THOC2: variants seen among roughly 807,000 people sequenced by gnomAD.
THOC2 encodes the protein THO complex subunit 2, also known as THO complex 2.
A neutral mutation model predicts 128.4 loss-of-function variants in THOC2; 10 were observed. That is an observed-to-expected ratio of 0.08 (90% CI 0.05 to 0.13). The LOEUF (loss-of-function observed/expected upper bound fraction) is 0.13, where lower values mean the gene tolerates loss of function less well. THOC2 is among the 10% of genes least tolerant of loss of function. The pLI is 1.00. For synonymous variants in THOC2, 393 were observed against 396.9 expected (o/e 0.99, Z 0.12); for missense variants, 535 against 1,155.7 (o/e 0.46, Z 7.79).
intron 37 of THOC2, 108 bp from the exon 38 acceptor site, chrX:123,611,071 C>A: frequency 1.4e-6 from 1 of 692,663 alleles, no homozygotes; most frequent in Non-Finnish European, 2.2e-6. Context: ...CTCTGACCAG[C>A]CTGGTAGCCT....
intron 7 of THOC2, among the ~76,000 whole-genome samples, chrX:123,691,069 G>A (rs1211067275): frequency 2.7e-5 from 3 of 110,816 alleles, no homozygotes; most frequent in Non-Finnish European, 1.9e-5. Flanking sequence ...AAAATTAGAC[G>A]GGCATGGTGG....
chrX:123,659,509 T>A (rs1320889824), intron 12 of THOC2, among the ~76,000 whole-genome samples: 3 of 111,878 alleles, frequency 2.7e-5, no homozygotes, highest in African/African-American at 9.7e-5. Context: ...AGGCGGAGGT[T>A]GCAGTGAGCC....
intron 1 of THOC2, among the ~76,000 whole-genome samples, chrX:123,714,254 T>C (rs745668226): frequency 8.9e-6 from 1 of 112,167 alleles, no homozygotes; most frequent in African/African-American, 3.2e-5. Flanking sequence ...AATTGATCTT[T>C]TTTAAGATGA....
At chrX:123,672,958 T>C (rs1041096826) in intron 8 of THOC2, among the ~76,000 whole-genome samples, 10 of 112,713 alleles carry the variant, frequency 8.9e-5, no homozygotes, top group Non-Finnish European at 1.7e-4. Context: ...ACCAAACTAA[T>C]GTGCATCATT....
intron 3 of THOC2, among the ~76,000 whole-genome samples, chrX:123,706,637 G>C (rs2050945588): frequency 9.5e-6 from 1 of 105,337 alleles, no homozygotes; most frequent in Non-Finnish European, 1.9e-5. Context: ...TAAACTATCT[G>C]TGTTCCTGTC....
At chrX:123,644,516 G>T (rs2048050047) in intron 15 of THOC2, 59 bp downstream of exon 15, 8 of 894,587 alleles carry the variant, frequency 8.9e-6, no homozygotes, top group African/African-American at 2.0e-5. Context: ...CTACCTGAAA[G>T]AAAGTATATT....
intron 30 of THOC2, 28 bp from the exon 31 acceptor site, chrX:123,621,615 C>T (rs1198095407): frequency 1.0e-6 from 1 of 987,436 alleles, no homozygotes; most frequent in East Asian, 3.1e-5. Context: ...GGGATTTTAA[C>T]ACAAATAATC....
At chrX:123,679,798 G>A (rs975687558) in intron 8 of THOC2, among the ~76,000 whole-genome samples, 8 of 112,142 alleles carry the variant, frequency 7.1e-5, no homozygotes, top group Non-Finnish European at 1.1e-4. Context: ...TGTGCTCCCT[G>A]AAACATGTGC....
At chrX:123,616,091 T>C (rs2046883113) in intron 33 of THOC2, among the ~76,000 whole-genome samples, 1 of 111,333 alleles carries the variant, frequency 9.0e-6, no homozygotes, top group South Asian at 3.7e-4. Context: ...TTCATTTTTA[T>C]CTTAACTTCT....
chrX:123,728,082 C>A (rs776495697), intron 1 of THOC2, among the ~76,000 whole-genome samples: 32 of 111,859 alleles, frequency 2.9e-4, no homozygotes, highest in Non-Finnish European at 5.1e-4. Flanking sequence ...TCACTTAATT[C>A]TTTAAAACAA....
At position 123,665,781 on chromosome X, in the gene THOC2, C is replaced by T; in HGVS notation, c.1247G>A (p.Arg416Lys). 8.3e-7 allele frequency: 1 copy of T among 1,200,532 alleles called. No homozygotes were observed. Among genetic ancestry groups the T allele is most frequent in the Non-Finnish European group, 1.1e-6 (1 of 889,806 alleles). ...AAAGCTCTCAGCTTGTTTTGGTGCT[C>T]TCTTGTTTTGCAAAGCATTAACAGG... ...GSPVNALQNKRAPKQAESFED... is the reference protein window; with the variant it reads ...GSPVNALQNKKAPKQAESFED... The change falls in exon 12 of 39, where the codon AGA becomes AAA. Residue 416 changes from arginine to lysine, a missense_variant. By Grantham distance (26) the Arg-to-Lys change is conservative (BLOSUM62 2). This residue lies in a region of THOC2 where 197 missense variants were observed against 313.4 expected (regional missense o/e 0.63). Transcript: ENST00000245838.
intron 1 of THOC2, among the ~76,000 whole-genome samples, chrX:123,720,089 G>A (rs1463738550): frequency 2.7e-5 from 3 of 109,743 alleles, no homozygotes; most frequent in African/African-American, 9.9e-5. Context: ...CAAGGCTGCA[G>A]TGAGCTGAGA....
chrX:123,700,318 G>A (rs981412476), intron 4 of THOC2, among the ~76,000 whole-genome samples: 8 of 108,265 alleles, frequency 7.4e-5, no homozygotes, highest in Non-Finnish European at 1.3e-4. Context: ...CTGGCCAACA[G>A]GGCGAAACCC....
chrX:123,657,991 G>A (rs956532164), intron 12 of THOC2, among the ~76,000 whole-genome samples: 1 of 109,881 alleles, frequency 9.1e-6, no homozygotes, highest in Non-Finnish European at 1.9e-5. Context: ...GTGTGTGTGT[G>A]TGTGTGTGTG....
chrX:123,622,976 C>G, intron 29 of THOC2, 116 bp from the exon 30 acceptor site: 1 of 839,164 alleles, frequency 1.2e-6, no homozygotes, highest in Non-Finnish European at 1.7e-6. Flanking sequence ...TACTTCTTAA[C>G]GCTTATATAC....
rs61439088 is a variant in THOC2 at position 123,623,501 on chromosome X, C to CTTT, written c.3504-221_3504-219dup. ...TAAACTAATCCTTAAACTAAGATGG[C>CTTT]TTTTTTTTTTTACTCTTGAAGATCT... On this transcript the variant is annotated intron_variant, in intron 28 of 38. Transcript: ENST00000245838. The CTTT allele has an allele frequency of 2.8e-4, 133 of 474,465 alleles. No homozygotes were observed. The African/African-American group carries it at 3.1e-3, about 11-fold the overall frequency. The allele number at this position is 474,465 out of a possible 1,213,427, so 39.1% of individuals were successfully genotyped here. A position where few individuals can be genotyped will look rare whatever the true frequency, so the allele number is the denominator to read the frequency against.
rs191297997 is a variant in THOC2, at chrX:123,716,375, T to C, written c.72-3467A>G. Among the ~76,000 whole-genome samples, 724 of 110,909 alleles carry C rather than the reference T, an allele frequency of 6.5e-3. 10 individuals carry two copies. Among genetic ancestry groups the C allele is most frequent in the African/African-American group, 0.022 (671 of 30,473 alleles). On this transcript the variant is annotated intron_variant, in intron 1 of 38. Transcript: ENST00000245838. ...CAGGTGGATCACTTGAAGTCACGAA[T>C]TGGAGACCAGCCTGGCCAACATGGT...
rs773867484 is a variant in THOC2, at chrX:123,611,491, A to G, written c.4703T>C (p.Ile1568Thr). Residue 1568 changes from isoleucine (I) to threonine (T), a missense_variant, in exon 37 of 39, where the codon ATA (isoleucine) becomes ACA (threonine). Around this residue, in one of 9 missense-constraint regions of THOC2, gnomAD observed 39 missense variants for 93.1 expected, o/e 0.42. Transcript: ENST00000245838. ...KKESRHDKEK[I>T]EKKEKRDSSG... ...ACTGTCCCGTTTCTCTTTCTTTTCT[A>G]TCTTTTCTTTATCATGCCTGGACTC... 2 of 1,185,201 alleles carry G rather than the reference A, an allele frequency of 1.7e-6. No homozygotes were observed. Among genetic ancestry groups the G allele is most frequent in the Non-Finnish European group, 2.3e-6 (2 of 873,989 alleles).
intron 8 of THOC2, among the ~76,000 whole-genome samples, chrX:123,674,137 G>C (rs2049391741): frequency 9.0e-6 from 1 of 111,506 alleles, no homozygotes; most frequent in Non-Finnish European, 1.9e-5. Context: ...GTCAAGTAAT[G>C]GTTAGTTGTT....
Sources: allele counts gnomAD v4.1 joint callset (sites outside exome capture counted in the v4.1 genomes callset), GRCh38; gene constraint gnomAD v4.1.1; regional missense constraint gnomAD v4.1.1; transcripts MANE v1.5; gene names NCBI Gene and HGNC (gene_info 2026-07-23, HGNC 2026-07-21).